Variants in ZFAND6 observed in about 807,000 individuals in gnomAD.
ZFAND6 encodes AN1-type zinc finger protein 6.
ZFAND6 carries 12 observed loss-of-function variants against 24.5 expected under a neutral mutation model. The ratio of observed to expected loss-of-function variants is 0.49; its 90% confidence interval spans 0.31 to 0.79. The LOEUF is 0.79. Among genes scored for constraint, ZFAND6 ranks in the 30% least tolerant of loss-of-function variants. The pLI is 0.04. For missense variants in ZFAND6, 207 were observed against 245.9 expected (o/e 0.84, Z 1.06); for synonymous variants, 92 against 81.5 (o/e 1.13, Z -0.69).
chr15:80,075,502 A>C (rs1435129567), intron 1 of ZFAND6, among the ~76,000 whole-genome samples: 1 of 152,036 alleles, frequency 6.6e-6, no homozygotes, highest in Non-Finnish European at 1.5e-5. Context: ...GTTTTCTACA[A>C]GGAGAAGAAA....
intron 1 of ZFAND6, among the ~76,000 whole-genome samples, chr15:80,069,315 C>T (rs1286428883): frequency 6.6e-6 from 1 of 151,952 alleles, no homozygotes; most frequent in Admixed American, 6.5e-5. Flanking sequence ...TATTGTGATC[C>T]CTGTTTCTTT....
chr15:80,060,344 T>C (rs1046390114), intron 1 of ZFAND6: 5 of 152,164 alleles, frequency 3.3e-5, no homozygotes, highest in African/African-American at 9.6e-5. Flanking sequence ...GGGAAGGGAA[T>C]TGGTCTCTTT....
intron 1 of ZFAND6, among the ~76,000 whole-genome samples, chr15:80,084,364 A>C (rs922669914): frequency 6.6e-6 from 1 of 152,252 alleles, no homozygotes; most frequent in Non-Finnish European, 1.5e-5. Flanking sequence ...GGGATGCTCA[A>C]CTGTTAAGTA....
At chr15:80,080,953 T>C (rs1204135031) in intron 1 of ZFAND6, among the ~76,000 whole-genome samples, 1 of 152,160 alleles carries the variant, frequency 6.6e-6, no homozygotes, top group Non-Finnish European at 1.5e-5. Flanking sequence ...CATCATCCAG[T>C]CACCTCCCAT....
chr15:80,067,411 A>G (rs1460552672), intron 1 of ZFAND6, among the ~76,000 whole-genome samples: 2 of 152,096 alleles, frequency 1.3e-5, no homozygotes, highest in African/African-American at 2.4e-5. Context: ...CCTTGATGCC[A>G]CAAAATAGGT....
chr15:80,062,727 A>G (rs1166837359), intron 1 of ZFAND6, among the ~76,000 whole-genome samples: 1 of 152,180 alleles, frequency 6.6e-6, no homozygotes, highest in Non-Finnish European at 1.5e-5. Flanking sequence ...GACAATGTGT[A>G]TATGGGGTTT....
chr15:80,134,145 G>T (rs1396452588), intron 6 of ZFAND6, among the ~76,000 whole-genome samples: 1 of 152,096 alleles, frequency 6.6e-6, no homozygotes, highest in African/African-American at 2.4e-5. Context: ...ACTCCACCAT[G>T]CCCAACTAAT....
chr15:80,062,193 C>T (rs939577410), intron 1 of ZFAND6, among the ~76,000 whole-genome samples: 2 of 152,202 alleles, frequency 1.3e-5, no homozygotes, highest in Non-Finnish European at 2.9e-5. Flanking sequence ...CCTTAGCATA[C>T]TCATGTAAAA....
At chr15:80,120,702 T>C in intron 3 of ZFAND6, 1 of 344,942 alleles carries the variant, frequency 2.9e-6, no homozygotes, top group Non-Finnish European at 5.1e-6. Flanking sequence ...TACTGTAAAT[T>C]CATACCATAA....
At chr15:80,082,108 T>C (rs1567059110) in intron 1 of ZFAND6, among the ~76,000 whole-genome samples, 1 of 152,172 alleles carries the variant, frequency 6.6e-6, no homozygotes, top group Non-Finnish European at 1.5e-5. Context: ...TAATTTCTCA[T>C]TTTTCCAGTA....
intron 5 of ZFAND6, among the ~76,000 whole-genome samples, chr15:80,123,229 G>A (rs1388146758): frequency 6.6e-6 from 1 of 152,242 alleles, no homozygotes; most frequent in East Asian, 1.9e-4. Flanking sequence ...TCTTCCCCAT[G>A]TGTGCAATAG....
intron 2 of ZFAND6, among the ~76,000 whole-genome samples, chr15:80,105,955 G>GT (rs760873581): frequency 6.6e-6 from 1 of 152,160 alleles, no homozygotes; most frequent in African/African-American, 2.4e-5. Flanking sequence ...ACATTTTGTG[G>GT]TTTTGTGGCT....
chr15:80,137,974 G>T lies in ZFAND6; in HGVS notation c.*346G>T, dbSNP rs1426996795. On this transcript the variant is annotated 3_prime_UTR_variant, in exon 7 of 7. Transcript: ENST00000261749. ...ATCTTGCAGTTTATTTTCTCATTGT[G>T]TATGTATATATCGCTTTTCTCTGCA... The T allele has an allele frequency of 5.6e-6, 1 of 179,912 alleles. No homozygotes were observed. Among genetic ancestry groups the T allele is most frequent in the East Asian group, 1.7e-4 (1 of 5,808 alleles). 11.1% of individuals were successfully genotyped at this position (179,912 alleles called of 1,614,324 possible). A position where few individuals can be genotyped will look rare whatever the true frequency, so the allele number is the denominator to read the frequency against.
chr15:80,062,627 ATATG>A, intron 1 of ZFAND6, among the ~76,000 whole-genome samples: 1 of 152,246 alleles, frequency 6.6e-6, no homozygotes, highest in Middle Eastern at 3.4e-3. Context: ...CATTTTTTCT[ATATG>A]TAGCTTGCAG....
intron 1 of ZFAND6, among the ~76,000 whole-genome samples, chr15:80,071,649 A>T (rs2036983811): frequency 6.6e-6 from 1 of 152,000 alleles, no homozygotes; most frequent in African/African-American, 2.4e-5. Flanking sequence ...ATATTATTTA[A>T]CGTAGCTTAG....
rs1596307650 is a variant in ZFAND6 at position 80,122,779 on chromosome 15, C to T, written c.343C>T (p.Pro115Ser). The T allele has an allele frequency of 1.2e-6, 2 of 1,612,900 alleles. No homozygotes were observed. The highest frequency in any genetic ancestry group is 1.7e-6 in the Non-Finnish European group (2 of 1,179,218). The part of the protein sequence containing the change: ...LDSTSVDKAV[P>S]ETEDVQASVS... ...CAGTACATCTGTGGACAAAGCAGTA[C>T]CTGAAACAGAAGATGTGCAGGGTTT... Residue 115 changes from proline (P) to serine (S), a missense_variant, in exon 5 of 7, where the codon CCT (proline) becomes TCT (serine). Pro to Ser is a moderately conservative substitution (Grantham distance 74). Transcript: ENST00000261749.
At chr15:80,092,099 C>A (rs1018960866) in intron 1 of ZFAND6, among the ~76,000 whole-genome samples, 1 of 151,932 alleles carries the variant, frequency 6.6e-6, no homozygotes, top group African/African-American at 2.4e-5. Context: ...GTCCCACTTG[C>A]AATGGATAGT....
At chr15:80,062,741 C>G (rs1420396975) in intron 1 of ZFAND6, among the ~76,000 whole-genome samples, 2 of 151,984 alleles carry the variant, frequency 1.3e-5, no homozygotes, top group East Asian at 3.8e-4. Flanking sequence ...GGGGTTTTCC[C>G]CCTCAAACTT....
chr15:80,077,335 A>C (rs1033503182), intron 1 of ZFAND6, among the ~76,000 whole-genome samples: 1 of 152,242 alleles, frequency 6.6e-6, no homozygotes, highest in African/African-American at 2.4e-5. Context: ...AATAATGCAG[A>C]CAACATTACT....
Sources: allele counts gnomAD v4.1 joint callset (sites outside exome capture counted in the v4.1 genomes callset), GRCh38; gene constraint gnomAD v4.1.1; transcripts MANE v1.5; gene names NCBI Gene and HGNC (gene_info 2026-07-23, HGNC 2026-07-21).